NFIA: variants seen among roughly 807,000 people sequenced by gnomAD.
NFIA encodes nuclear factor I A.
A neutral mutation model predicts 62.8 loss-of-function variants in NFIA; 8 were observed. The observed-to-expected ratio is 0.13, with a 90% CI of 0.07 to 0.23. The LOEUF is 0.23. NFIA is among the 10% of genes least tolerant of loss of function. The pLI is 1.00. For synonymous variants in NFIA, 235 were observed against 238.1 expected (o/e 0.99, Z 0.12); for missense variants, 410 against 642.1 (o/e 0.64, Z 3.91).
chr1:61,214,503 T>C (rs1653482703), intron 2 of NFIA, among the ~76,000 whole-genome samples: 1 of 152,234 alleles, frequency 6.6e-6, no homozygotes, highest in Admixed American at 6.5e-5. Context: ...AGTGCCCACA[T>C]ATTATTTGAG....
chr1:61,100,254 G>A (rs1191732714), intron 2 of NFIA, among the ~76,000 whole-genome samples: 1 of 152,174 alleles, frequency 6.6e-6, no homozygotes, highest in Non-Finnish European at 1.5e-5. Flanking sequence ...GGAACTTCTT[G>A]TGTGAGTTGG....
At chr1:61,084,238 C>T (rs190061244) in intron 1 of NFIA, among the ~76,000 whole-genome samples, 1 of 152,294 alleles carries the variant, frequency 6.6e-6, no homozygotes, top group Admixed American at 6.5e-5. Context: ...AGTTTTCGCT[C>T]TCCTCTCTAG....
chr1:61,281,633 T>C (rs945060311), intron 3 of NFIA, among the ~76,000 whole-genome samples: 20 of 152,174 alleles, frequency 1.3e-4, no homozygotes, highest in African/African-American at 4.6e-4. Context: ...ACCAGGGAAT[T>C]GCAAAAAGGA....
At chr1:61,188,203 C>T (rs1316143246) in intron 2 of NFIA, among the ~76,000 whole-genome samples, 14 of 152,054 alleles carry the variant, frequency 9.2e-5, no homozygotes, top group South Asian at 4.1e-4. Flanking sequence ...CGCGCCCCCA[C>T]GCCAGCTAAT....
intron 7 of NFIA, among the ~76,000 whole-genome samples, chr1:61,384,015 A>G (rs1015085765): frequency 3.9e-5 from 6 of 152,242 alleles, no homozygotes; most frequent in Non-Finnish European, 7.3e-5. Flanking sequence ...TGTATTTCGC[A>G]TTAAAGACAA....
intron 10 of NFIA, among the ~76,000 whole-genome samples, chr1:61,443,783 A>G (rs1667690526): frequency 6.6e-6 from 1 of 152,042 alleles, no homozygotes; most frequent in African/African-American, 2.4e-5. Flanking sequence ...TGCCCTTTCC[A>G]TTTCTGCCCA....
In NFIA at chr1:61,085,193, A is replaced by T. The variant is rs559545795; in HGVS notation, c.27+2375A>T. 2.0e-5 allele frequency among the ~76,000 whole-genome samples: 3 copies of T among 151,770 alleles called. No individual in the cohort carries two copies. The East Asian group carries it at 5.8e-4, about 29-fold the overall frequency. On this transcript the variant is annotated intron_variant, in intron 1 of 10. Coordinates refer to ENST00000403491, the MANE Select transcript of NFIA (RefSeq NM_001134673.4). Reference sequence around the variant, plus strand: ...ACTCCATTTAACTTGTAGGCAATTTAAAAAAAAACTTTACCAAGAAAAACC... The same window carrying T: ...ACTCCATTTAACTTGTAGGCAATTTTAAAAAAAACTTTACCAAGAAAAACC...
intron 2 of NFIA, among the ~76,000 whole-genome samples, chr1:61,172,544 A>T (rs1327287840): frequency 1.3e-5 from 2 of 152,232 alleles, no homozygotes; most frequent in Non-Finnish European, 2.9e-5. Context: ...GAGATGAGGC[A>T]GTCCATGTTG....
At chr1:61,336,286 A>G (rs1335273385) in intron 4 of NFIA, among the ~76,000 whole-genome samples, 1 of 152,202 alleles carries the variant, frequency 6.6e-6, no homozygotes, top group Non-Finnish European at 1.5e-5. Context: ...CATGTAAACC[A>G]AAGCAAGTAA....
chr1:61,126,984 G>C (rs931306320), intron 2 of NFIA, among the ~76,000 whole-genome samples: 1 of 151,338 alleles, frequency 6.6e-6, no homozygotes, highest in Non-Finnish European at 1.5e-5. Context: ...GTAGAGATGG[G>C]GTTTCGCCAT....
chr1:61,256,391 G>T (rs564864345), intron 2 of NFIA, among the ~76,000 whole-genome samples: 1 of 144,742 alleles, frequency 6.9e-6, no homozygotes, highest in South Asian at 2.2e-4. Flanking sequence ...AGCCAAGATC[G>T]CACCTCTGCA....
At chr1:61,203,446 G>A (rs551325796) in intron 2 of NFIA, among the ~76,000 whole-genome samples, 23 of 152,216 alleles carry the variant, frequency 1.5e-4, no homozygotes, top group Admixed American at 5.9e-4. Flanking sequence ...AGCCCGCTGT[G>A]CCCTCCTCCC....
intron 2 of NFIA, among the ~76,000 whole-genome samples, chr1:61,223,122 A>T (rs911701409): frequency 6.6e-6 from 1 of 152,012 alleles, no homozygotes; most frequent in Admixed American, 6.6e-5. Flanking sequence ...AGAACTGTTT[A>T]ATCTTTCTTT....
At chr1:61,361,784 T>G (rs932810736) in intron 6 of NFIA, among the ~76,000 whole-genome samples, 6 of 3,564 alleles carry the variant, frequency 1.7e-3, no homozygotes, top group Non-Finnish European at 2.7e-3. Flanking sequence ...TGGTAAGAGG[T>G]GTGTGTGTGT....
intron 2 of NFIA, among the ~76,000 whole-genome samples, chr1:61,203,311 A>C (rs966332342): frequency 6.6e-6 from 1 of 152,174 alleles, no homozygotes; most frequent in African/African-American, 2.4e-5. Flanking sequence ...CAGTAATATT[A>C]CTAACAGGGA....
At chr1:61,354,053 A>G (rs1327326829) in intron 5 of NFIA, among the ~76,000 whole-genome samples, 1 of 152,206 alleles carries the variant, frequency 6.6e-6, no homozygotes, top group Non-Finnish European at 1.5e-5. Context: ...CTGTATGTGT[A>G]CCATGTACCT....
intron 7 of NFIA, among the ~76,000 whole-genome samples, chr1:61,403,591 G>A (rs1665674036): frequency 6.6e-6 from 1 of 152,152 alleles, no homozygotes; most frequent in Non-Finnish European, 1.5e-5. Context: ...GGCTCATTAA[G>A]TGATCATTTA....
intron 9 of NFIA, among the ~76,000 whole-genome samples, chr1:61,422,965 T>C (rs921305321): frequency 3.9e-5 from 6 of 152,130 alleles, no homozygotes; most frequent in Admixed American, 2.6e-4. Flanking sequence ...AGTGAAGGAT[T>C]ATATAATTAG....
chr1:61,082,960 C>G (rs1434015660), intron 1 of NFIA, 142 bp downstream of exon 1: 4 of 241,548 alleles, frequency 1.7e-5, no homozygotes, highest in Middle Eastern at 4.3e-3. Context: ...GCGCGTGTTT[C>G]TGTGTGTGTG....
Sources: gnomAD v4.1 joint callset for allele counts (sites outside exome capture counted in the v4.1 genomes callset) on GRCh38, gnomAD v4.1.1 for gene constraint, MANE v1.5 for transcripts, NCBI Gene and HGNC (gene_info 2026-07-23, HGNC 2026-07-21) for gene names.